Variants in TUSC3 observed in about 807,000 individuals in gnomAD.
TUSC3 encodes the protein dolichyl-diphosphooligosaccharide--protein glycosyltransferase subunit TUSC3.
Under a neutral mutation model 44.8 loss-of-function variants are expected in TUSC3, and 45 were observed. That is an observed-to-expected ratio of 1.00 (90% CI 0.79 to 1.29). The LOEUF is 1.29. TUSC3 is among the 50% of genes most tolerant of loss of function. The probability of loss-of-function intolerance (pLI) is 0.00; values close to 1 mark genes in which losing one functional copy is unlikely to be tolerated. For synonymous variants in TUSC3, 212 were observed against 152.9 expected, an observed-to-expected ratio of 1.39 and a Z score of -2.85; for missense variants, 519 against 437.9, an observed-to-expected ratio of 1.19 and a Z score of -1.65.
chr8:15,450,492 T>G (rs527688388), intron 1 of TUSC3, among the ~76,000 whole-genome samples: 295 of 152,234 alleles, frequency 1.9e-3, no homozygotes, highest in African/African-American at 6.3e-3. Context: ...AAGCCCAGCC[T>G]GACCAAGATG....
At chr8:15,540,699 G>T in intron 1 of TUSC3, 131 bp downstream of exon 1, 9 of 1,296,700 alleles carry the variant, frequency 6.9e-6, no homozygotes, top group Non-Finnish European at 9.2e-6. Flanking sequence ...TGGGGCGGGA[G>T]CCGCGAGGGT....
chr8:15,507,184 G>A (rs56013248), intron 2 of TUSC3, among the ~76,000 whole-genome samples: 8,373 of 152,206 alleles, frequency 0.055, 375 homozygotes, highest in South Asian at 0.2. Flanking sequence ...AAACTATAGA[G>A]GAACTTGGCT....
At chr8:15,745,852 T>C (rs1811392365) in intron 8 of TUSC3, among the ~76,000 whole-genome samples, 1 of 149,798 alleles carries the variant, frequency 6.7e-6, no homozygotes, top group African/African-American at 2.4e-5. Flanking sequence ...AAAAATTCTT[T>C]GCCAAGGCCA....
rs1271731829 is a variant in TUSC3 at position 15,573,192 on chromosome 8, CTCTCTCTCTCTATA to C, written c.138+32626_138+32639del. Reference sequence around the variant, plus strand: ...TTTCTCTCTCTCTCTCTCTCTCTCTCTCTCTCTCTCTATATATATATATATATATATATATATAA... The same window carrying C: ...TTTCTCTCTCTCTCTCTCTCTCTCTCTATATATATATATATATATATATAA... On this transcript the variant is annotated intron_variant, in intron 1 of 10. Transcript: ENST00000503731. Among the ~76,000 whole-genome samples, 11 of 93,276 alleles carry C rather than the reference CTCTCTCTCTCTATA, an allele frequency of 1.2e-4. No individual in the cohort carries two copies. In the East Asian group the frequency reaches 2.3e-3, roughly 19 times the overall value. The allele number at this position is 93,276 out of a possible 152,430, so 61.2% of individuals were successfully genotyped here. A position where few individuals can be genotyped will look rare whatever the true frequency, so the allele number is the denominator to read the frequency against.
intron 2 of TUSC3, among the ~76,000 whole-genome samples, chr8:15,511,310 G>A (rs1222058271): frequency 6.6e-6 from 1 of 152,020 alleles, no homozygotes; most frequent in Non-Finnish European, 1.5e-5. Flanking sequence ...AGGAAATCCA[G>A]ATTGGAATAG....
At chr8:15,570,579 A>G (rs141637479) in intron 1 of TUSC3, among the ~76,000 whole-genome samples, 1,778 of 152,326 alleles carry the variant, frequency 0.012, 26 homozygotes, top group Middle Eastern at 0.055. Context: ...TTACATTTCA[A>G]TGTAGTTGAA....
At chr8:15,781,470 G>A in the TUSC3 span, among the ~76,000 whole-genome samples, 17 of 152,124 alleles carry the variant, frequency 1.1e-4, no homozygotes, top group Non-Finnish European at 2.1e-4. Context: ...AGGGAACTTT[G>A]AAGGCAGCAA....
chr8:15,615,786 G>A (rs991817544), intron 1 of TUSC3, among the ~76,000 whole-genome samples: 1 of 152,026 alleles, frequency 6.6e-6, no homozygotes, highest in African/African-American at 2.4e-5. Context: ...AATACAGGAC[G>A]TTTATACACT....
At chr8:15,615,249 T>C (rs1290716077) in intron 1 of TUSC3, among the ~76,000 whole-genome samples, 3 of 152,202 alleles carry the variant, frequency 2.0e-5, no homozygotes, top group East Asian at 1.9e-4. Context: ...AAAAGTGTTG[T>C]ATATACACAA....
intron 1 of TUSC3, among the ~76,000 whole-genome samples, chr8:15,426,555 C>G (rs1167206531): frequency 6.6e-6 from 1 of 152,174 alleles, no homozygotes; most frequent in Non-Finnish European, 1.5e-5. Context: ...GTTCATACAC[C>G]TTGTCACAAA....
At chr8:15,538,272 C>G (rs566516294), upstream of TUSC3, among the ~76,000 whole-genome samples, 5 of 152,308 alleles carry the variant, frequency 3.3e-5, no homozygotes, top group East Asian at 3.9e-4. Flanking sequence ...GCCACTGGAG[C>G]TGAGCTTTCT....
chr8:15,779,852 G>A, the TUSC3 span, among the ~76,000 whole-genome samples: 1 of 152,116 alleles, frequency 6.6e-6, no homozygotes, highest in Non-Finnish European at 1.5e-5. Flanking sequence ...CTAATAAAGG[G>A]CAACTACAGA....
chr8:15,545,694 C>T (rs775188521), intron 1 of TUSC3, among the ~76,000 whole-genome samples: 10 of 151,740 alleles, frequency 6.6e-5, no homozygotes, highest in Non-Finnish European at 1.2e-4. Context: ...CCCTCTTCCA[C>T]ACATAGGGCA....
chr8:15,488,609 C>T (rs573378737), intron 2 of TUSC3, among the ~76,000 whole-genome samples: 1 of 152,008 alleles, frequency 6.6e-6, no homozygotes, highest in Admixed American at 6.6e-5. Context: ...GGAGGTAGGT[C>T]CTTTGGGAGC....
intron 1 of TUSC3, among the ~76,000 whole-genome samples, chr8:15,576,433 T>A (rs1255180731): frequency 6.7e-6 from 1 of 148,308 alleles, no homozygotes; most frequent in Non-Finnish European, 1.5e-5. Context: ...TAGCATTAGG[T>A]ATATCTCCCA....
rs531921738 is a variant in TUSC3 at position 15,633,152 on chromosome 8, C to A, written c.308+9903C>A. Among the ~76,000 whole-genome samples, 171 of 152,196 alleles carry A rather than the reference C, an allele frequency of 1.1e-3. No homozygotes were observed. The Middle Eastern group carries it at 0.014, about 12-fold the overall frequency. On this transcript the variant is annotated intron_variant, in intron 2 of 10. Coordinates refer to ENST00000503731, the MANE Select transcript of TUSC3 (RefSeq NM_006765.4). ...TTAAAATTATGACTTCAGTTAGATA[C>A]GTATTATTGTAGCAGAGCATTACGT...
intron 2 of TUSC3, among the ~76,000 whole-genome samples, chr8:15,636,229 T>A (rs965596857): frequency 2.0e-5 from 3 of 152,302 alleles, no homozygotes; most frequent in Admixed American, 2.0e-4. Flanking sequence ...GAATCATCAG[T>A]TACTCAGGCC....
chr8:15,598,129 C>A (rs915368658), intron 1 of TUSC3, among the ~76,000 whole-genome samples: 2 of 151,886 alleles, frequency 1.3e-5, no homozygotes, highest in Non-Finnish European at 2.9e-5. Flanking sequence ...GTTTGCAGAG[C>A]ATAATACCAG....
At chr8:15,536,419 C>T (rs764177535), upstream of TUSC3, among the ~76,000 whole-genome samples, 10 of 152,002 alleles carry the variant, frequency 6.6e-5, no homozygotes, top group African/African-American at 9.7e-5. Context: ...CAGTGGCTCA[C>T]GCCTGTAATC....
Sources: allele counts gnomAD v4.1 joint callset (sites outside exome capture counted in the v4.1 genomes callset), GRCh38; gene constraint gnomAD v4.1.1; transcripts MANE v1.5; gene names NCBI Gene and HGNC (gene_info 2026-07-23, HGNC 2026-07-21).